ADAMTSL1: variants seen among roughly 807,000 people sequenced by gnomAD.
ADAMTSL1 encodes ADAMTS-like protein 1.
Under a neutral mutation model 201.8 loss-of-function variants are expected in ADAMTSL1, and 126 were observed. The observed-to-expected ratio is 0.62, with a 90% CI of 0.54 to 0.72. The LOEUF is 0.72. Among genes scored for constraint, ADAMTSL1 ranks in the 30% least tolerant of loss-of-function variants. The pLI, the probability that ADAMTSL1 is intolerant of heterozygous loss-of-function variation, is 0.00. For missense variants in ADAMTSL1, 2,679 were observed against 2,277.8 expected, an observed-to-expected ratio of 1.18 and a Z score of -3.59; for synonymous variants, 1,121 against 903.4, an observed-to-expected ratio of 1.24 and a Z score of -4.32.
chr9:18,254,876 T>C (rs1831622393), intron 2 of ADAMTSL1, among the ~76,000 whole-genome samples: 2 of 152,172 alleles, frequency 1.3e-5, no homozygotes, highest in South Asian at 4.1e-4. Flanking sequence ...GAGCTAAATT[T>C]ATGACATTAT....
At position 18,887,921 on chromosome 9, in the gene ADAMTSL1, T is replaced by C; in HGVS notation, c.4340T>C (p.Ile1447Thr). 3 of 1,613,956 alleles carry C rather than the reference T, an allele frequency of 1.9e-6. No individual in the cohort carries two copies. Among genetic ancestry groups the C allele is most frequent in the Non-Finnish European group, 1.7e-6 (2 of 1,179,878 alleles). ...ACTGCCACAGGACTGACGCATCACA[T>C]CTTGGCAGCTGGACAGATCCTTCAA... ...IVTATGLTHH[I>T]LAAGQILQVA... is the part of the protein sequence containing the mutation. Residue 1447 changes from isoleucine (I) to threonine (T), a missense_variant, in exon 24 of 29, where the codon ATC becomes ACC. Transcript: ENST00000380548.
chr9:18,483,629 C>A (rs2131819574), intron 1 of ADAMTSL1, among the ~76,000 whole-genome samples: 1 of 152,238 alleles, frequency 6.6e-6, no homozygotes, highest in African/African-American at 2.4e-5. Flanking sequence ...AGATCGAGAC[C>A]ATCCTCGCTA....
At chr9:18,841,840 A>T (rs1177022188) in intron 23 of ADAMTSL1, among the ~76,000 whole-genome samples, 1 of 151,886 alleles carries the variant, frequency 6.6e-6, no homozygotes, top group Non-Finnish European at 1.5e-5. Context: ...TGTTTGTAGT[A>T]CTCTCTGATG....
chr9:18,221,144 C>T (rs528302221), intron 2 of ADAMTSL1, among the ~76,000 whole-genome samples: 2 of 152,128 alleles, frequency 1.3e-5, no homozygotes, highest in African/African-American at 4.8e-5. Flanking sequence ...TCATGCCTTC[C>T]TCCTGAAAGG....
chr9:18,872,050 C>T (rs1355367661), intron 23 of ADAMTSL1, among the ~76,000 whole-genome samples: 1 of 152,190 alleles, frequency 6.6e-6, no homozygotes, highest in Non-Finnish European at 1.5e-5. Context: ...CCCAGCCACA[C>T]TACAAGTTTT....
In ADAMTSL1 at chr9:18,777,098, G is replaced by T. The variant is rs1821071012; in HGVS notation, c.2869G>T (p.Val957Leu). 2 of 1,613,216 alleles carry T rather than the reference G, an allele frequency of 1.2e-6. No individual in the cohort carries two copies. Among genetic ancestry groups the T allele is most frequent in the Middle Eastern group, 1.6e-4 (1 of 6,062 alleles). Residue 957 changes from valine (V) to leucine (L), a missense_variant, in exon 19 of 29, where the codon GTG becomes TTG. By Grantham distance (32) the Val-to-Leu change is conservative. Transcript: ENST00000380548. ...CSAGPAREHFVIKLIGGNRKL... is the reference protein window; with the variant it reads ...CSAGPAREHFLIKLIGGNRKL... ...AGCGGGCCCGGCCCGGGAGCACTTT[G>T]TGATTAAGCTCATCGGAGGCAACCG...
intron 7 of ADAMTSL1, among the ~76,000 whole-genome samples, chr9:18,652,540 T>C (rs1165185186): frequency 2.0e-5 from 3 of 152,224 alleles, no homozygotes; most frequent in Admixed American, 2.0e-4. Flanking sequence ...TTATTTCAAG[T>C]ACCCATACAA....
At chr9:18,453,914 C>T (rs1820508378) in intron 2 of ADAMTSL1, among the ~76,000 whole-genome samples, 1 of 152,150 alleles carries the variant, frequency 6.6e-6, no homozygotes, top group Non-Finnish European at 1.5e-5. Context: ...ATTAAGGAAA[C>T]TCATTCTTAT....
At chr9:18,850,017 A>G (rs938213087) in intron 23 of ADAMTSL1, among the ~76,000 whole-genome samples, 1 of 152,236 alleles carries the variant, frequency 6.6e-6, no homozygotes, top group South Asian at 2.1e-4. Flanking sequence ...CCATAAATAT[A>G]AAAAGACACC....
chr9:18,061,381 C>G (rs1003231365), intron 1 of ADAMTSL1, among the ~76,000 whole-genome samples: 2 of 152,128 alleles, frequency 1.3e-5, no homozygotes, highest in Admixed American at 6.6e-5. Context: ...TTCTTTGCTT[C>G]TACCACAAAC....
At chr9:18,730,537 G>A (rs1818154033) in intron 15 of ADAMTSL1, among the ~76,000 whole-genome samples, 1 of 152,238 alleles carries the variant, frequency 6.6e-6, no homozygotes, top group Admixed American at 6.5e-5. Context: ...CTTTTTCATA[G>A]TGAATTCTTC....
intron 15 of ADAMTSL1, among the ~76,000 whole-genome samples, chr9:18,750,411 A>C (rs1026960211): frequency 4.6e-5 from 7 of 152,084 alleles, no homozygotes; most frequent in African/African-American, 1.7e-4. Flanking sequence ...TTGTTCATTC[A>C]ATTTTATGTT....
chr9:17,934,563 A>G (rs1826925970), intron 1 of ADAMTSL1, among the ~76,000 whole-genome samples: 1 of 152,160 alleles, frequency 6.6e-6, no homozygotes. Context: ...GCTGCTCAAC[A>G]ATGATACCAA....
At chr9:18,161,883 C>A (rs911946502) in intron 1 of ADAMTSL1, among the ~76,000 whole-genome samples, 1 of 152,012 alleles carries the variant, frequency 6.6e-6, no homozygotes, top group African/African-American at 2.4e-5. Context: ...AGTTATACCT[C>A]TTCTTGTTTA....
intron 3 of ADAMTSL1, among the ~76,000 whole-genome samples, chr9:18,556,269 C>T (rs1366722779): frequency 6.6e-6 from 1 of 151,952 alleles, no homozygotes; most frequent in African/African-American, 2.4e-5. Context: ...ATCTGTCTTT[C>T]CCCTTTAAAC....
chr9:18,130,234 G>A (rs1351516760), intron 1 of ADAMTSL1, among the ~76,000 whole-genome samples: 1 of 152,108 alleles, frequency 6.6e-6, no homozygotes, highest in African/African-American at 2.4e-5. Context: ...ATTAGTCATT[G>A]CGGGAAGACA....
At position 18,777,296 on chromosome 9, in the gene ADAMTSL1, G is replaced by A. The variant is rs1345545620; in HGVS notation, c.3067G>A (p.Asp1023Asn). Residue 1023 changes from aspartate to asparagine, a missense_variant, in exon 19 of 29, where the codon GAC becomes AAC. By Grantham distance (23) the Asp-to-Asn change is conservative (BLOSUM62 1). Coordinates refer to ENST00000380548, the MANE Select transcript of ADAMTSL1 (RefSeq NM_001040272.6). ...CGCCAACCCGGGGAGCCGCTACGAC[G>A]ACCTCGTCTCCCGGCTGCTGGAGCA... ...LAANPGSRYD[D>N]LVSRLLEQGG... The A allele has an allele frequency of 1.2e-6, 2 of 1,605,758 alleles. No homozygotes were observed. The highest frequency in any genetic ancestry group is 1.1e-5 in the South Asian group (1 of 90,038).
chr9:18,862,094 G>A lies in ADAMTSL1; in HGVS notation c.4250-25737G>A, dbSNP rs1308327478. Reference sequence around the variant, plus strand: ...TTCCTGTGGCTTGCAGCTGAACCCTGTGCTGTGCCCAGTGAGGCCTCCCGG... The same window carrying A: ...TTCCTGTGGCTTGCAGCTGAACCCTATGCTGTGCCCAGTGAGGCCTCCCGG... On this transcript the variant is annotated intron_variant, in intron 23 of 28. Coordinates refer to ENST00000380548, the MANE Select transcript of ADAMTSL1 (RefSeq NM_001040272.6). Among the ~76,000 whole-genome samples, 5 of 152,258 alleles carry A rather than the reference G, an allele frequency of 3.3e-5. No individual in the cohort carries two copies. The East Asian group carries it at 7.7e-4, about 24-fold the overall frequency.
At chr9:18,286,752 T>G (rs1175190808) in intron 2 of ADAMTSL1, among the ~76,000 whole-genome samples, 2 of 152,084 alleles carry the variant, frequency 1.3e-5, no homozygotes, top group Non-Finnish European at 2.9e-5. Context: ...AACACATTTC[T>G]TTTTAGTCTC....
Sources: allele counts gnomAD v4.1 joint callset (sites outside exome capture counted in the v4.1 genomes callset), GRCh38; gene constraint gnomAD v4.1.1; transcripts MANE v1.5; gene names NCBI Gene and HGNC (gene_info 2026-07-23, HGNC 2026-07-21).